CEP68: variants seen among roughly 807,000 people sequenced by gnomAD.
CEP68 encodes centrosomal protein of 68 kDa.
A neutral mutation model predicts 55.3 loss-of-function variants in CEP68; 26 were observed. The ratio of observed to expected loss-of-function variants is 0.47; its 90% CI spans 0.34 to 0.65. The LOEUF is 0.65. CEP68 is among the 30% of genes least tolerant of loss of function. The probability of loss-of-function intolerance (pLI) is 0.01; values close to 1 mark genes in which losing one functional copy is unlikely to be tolerated. For synonymous variants in CEP68, 402 were observed against 383.2 expected (o/e 1.05, Z -0.57); for missense variants, 957 against 946.7 (o/e 1.01, Z -0.14).
At position 65,084,139 on chromosome 2, in the gene CEP68, G is replaced by A. The variant is rs750204011; in HGVS notation, c.*505G>A. 7 of 152,194 alleles carry A rather than the reference G, an allele frequency of 4.6e-5. No individual in the cohort carries two copies. Among genetic ancestry groups the A allele is most frequent in the Admixed American group, 1.3e-4 (2 of 15,282 alleles). The allele number at this position is 152,194 out of a possible 1,614,324, so 9.4% of individuals were successfully genotyped here. A position where few individuals can be genotyped will look rare whatever the true frequency, so the allele number is the denominator to read the frequency against. Reference sequence around the variant, plus strand: ...TTTAAAGATATAGGTAGAAAGAAGAGATTTTTAACCCTTTGTCTGCAAAAG... The same window carrying A: ...TTTAAAGATATAGGTAGAAAGAAGAAATTTTTAACCCTTTGTCTGCAAAAG... On this transcript the variant is annotated 3_prime_UTR_variant, in exon 7 of 7. Transcript: ENST00000377990.
intron 3 of CEP68, chr2:65,073,947 C>T (rs367998091): frequency 4.2e-4 from 98 of 233,136 alleles, no homozygotes; most frequent in African/African-American, 2.1e-3. Flanking sequence ...GAAACATGGA[C>T]GTATCTGGCT....
rs1443698418 is a variant in CEP68, at chr2:65,074,338, TACTG to T, written c.1944_1947del (p.Asp649ThrfsTer26). The T allele has an allele frequency of 1.9e-6, 3 of 1,614,266 alleles. No individual in the cohort carries two copies. Among genetic ancestry groups the T allele is most frequent in the Non-Finnish European group, 2.5e-6 (3 of 1,180,050 alleles). ...GCTGGCTGTATAATGTTGCAGATGTTACTGACCACGGGACTGCAGCCAGGTCCAA... is the reference window on the plus strand; with the variant it reads ...GCTGGCTGTATAATGTTGCAGATGTTACCACGGGACTGCAGCCAGGTCCAA... On this transcript the variant is annotated frameshift_variant, in exon 4 of 7. Coordinates refer to ENST00000377990, the MANE Select transcript of CEP68 (RefSeq NM_015147.3). LOFTEE classifies it high-confidence loss of function.
In CEP68 at chr2:65,060,902, C is replaced by T. The variant is rs957558305; in HGVS notation, c.-47+4374C>T. 2.0e-5 allele frequency among the ~76,000 whole-genome samples: 3 copies of T among 152,206 alleles called. No homozygotes were observed. In the South Asian group the frequency reaches 6.2e-4, roughly 32 times the overall value. Reference sequence around the variant, plus strand: ...CTCTTTAAAGGCTATCTAGGTTGGGCGCAGTGGCTCACGCCTGTAATCCCA... The same window carrying T: ...CTCTTTAAAGGCTATCTAGGTTGGGTGCAGTGGCTCACGCCTGTAATCCCA... On this transcript the variant is annotated intron_variant, in intron 1 of 6. Transcript: ENST00000377990.
chr2:65,065,080 C>T (rs561041678), intron 1 of CEP68, among the ~76,000 whole-genome samples: 1 of 152,332 alleles, frequency 6.6e-6, no homozygotes, highest in South Asian at 2.1e-4. Context: ...TTGTCTCACT[C>T]AGAGGCTTCG....
chr2:65,067,702 G>C (rs1401117053), intron 1 of CEP68, among the ~76,000 whole-genome samples: 1 of 152,178 alleles, frequency 6.6e-6, no homozygotes, highest in Non-Finnish European at 1.5e-5. Flanking sequence ...GCAAAGGAAT[G>C]GGGGACAAGG....
chr2:65,080,766 C>A (rs1676974241), intron 5 of CEP68, among the ~76,000 whole-genome samples: 1 of 151,836 alleles, frequency 6.6e-6, no homozygotes, highest in African/African-American at 2.4e-5. Flanking sequence ...TGCAGTGAGC[C>A]GAGATCACGC....
At chr2:65,062,386 T>C (rs926100569) in intron 1 of CEP68, among the ~76,000 whole-genome samples, 9 of 151,666 alleles carry the variant, frequency 5.9e-5, no homozygotes, top group African/African-American at 2.2e-4. Flanking sequence ...ATAGAAAAAT[T>C]AGCGGGGATG....
chr2:65,080,431 A>T (rs1466806946), intron 5 of CEP68: 1 of 985,294 alleles, frequency 1.0e-6, no homozygotes, highest in Non-Finnish European at 1.2e-6. Context: ...ATGCTGTCAA[A>T]AGTCCATAGA....
intron 4 of CEP68, 84 bp from the exon 5 acceptor site, chr2:65,077,784 C>T: frequency 1.0e-6 from 1 of 989,170 alleles, no homozygotes; most frequent in South Asian, 1.5e-5. Context: ...AATAAGGCTT[C>T]CCTACATGCT....
rs138604989 is a variant in CEP68 at position 65,084,288 on chromosome 2, G to C, written c.*654G>C. On this transcript the variant is annotated 3_prime_UTR_variant, in exon 7 of 7. Transcript: ENST00000377990. ...GTTTCTTAGAAGAAAATGTGTCAGG[G>C]ACTTGGGGATCTACAGTCATGCTTT... 5.3e-5 allele frequency: 8 copies of C among 152,248 alleles called. No individual in the cohort carries two copies. The highest frequency in any genetic ancestry group is 1.4e-4 in the African/African-American group (6 of 41,542). The allele number at this position is 152,248 out of a possible 1,614,324, so 9.4% of individuals were successfully genotyped here. A position where few individuals can be genotyped will look rare whatever the true frequency, so the allele number is the denominator to read the frequency against.
intron 4 of CEP68, chr2:65,075,274 TAAA>T (rs1390775466): frequency 7.3e-6 from 1 of 137,720 alleles, no homozygotes; most frequent in Non-Finnish European, 1.6e-5. Context: ...AAAAAAAACA[TAAA>T]AAATTAGCTG....
At chr2:65,076,291 G>T (rs1439903336) in intron 4 of CEP68, among the ~76,000 whole-genome samples, 1 of 152,174 alleles carries the variant, frequency 6.6e-6, no homozygotes, top group Non-Finnish European at 1.5e-5. Context: ...GTCAGAGCAG[G>T]TGCAAACAGA....
At chr2:65,058,048 T>C (rs1014786556) in intron 1 of CEP68, among the ~76,000 whole-genome samples, 1 of 152,208 alleles carries the variant, frequency 6.6e-6, no homozygotes, top group Non-Finnish European at 1.5e-5. Flanking sequence ...TATTGATGTA[T>C]AGTGCCTAAT....
chr2:65,074,774 C>A (rs543235299), intron 4 of CEP68: 3 of 242,266 alleles, frequency 1.2e-5, no homozygotes, highest in South Asian at 4.6e-5. Context: ...ACCCCCCCCC[C>A]TCAAAAAAAA....
chr2:65,058,110 G>GT (rs764716698), intron 1 of CEP68, among the ~76,000 whole-genome samples: 3 of 152,166 alleles, frequency 2.0e-5, no homozygotes, highest in African/African-American at 4.8e-5. Flanking sequence ...GTTAGCAGTC[G>GT]TTAGGAGAAA....
At chr2:65,074,228 C>A in intron 3 of CEP68, 54 bp from the exon 4 acceptor site, 1 of 1,599,398 alleles carries the variant, frequency 6.3e-7, no homozygotes, top group Non-Finnish European at 8.5e-7. Context: ...CTTTTGATAA[C>A]ATAAATAGCT....
chr2:65,056,513 G>C lies in CEP68; in HGVS notation c.-62G>C, dbSNP rs1558549848. 6.6e-6 allele frequency: 1 copy of C among 152,348 alleles called. No homozygotes were observed. Among genetic ancestry groups the C allele is most frequent in the Non-Finnish European group, 1.5e-5 (1 of 68,166 alleles). The allele number at this position is 152,348 out of a possible 1,614,324, so 9.4% of individuals were successfully genotyped here. On this transcript the variant is annotated 5_prime_UTR_variant, in exon 1 of 7. Coordinates refer to ENST00000377990, the MANE Select transcript of CEP68 (RefSeq NM_015147.3). The stretch of plus-strand genomic sequence containing the variant: ...TGAGACCGCTCCGGACGTGCGAAGC[G>C]TTCGCGGTGCGGTAGGTAGGCAGTG...
At chr2:65,078,544 T>C (rs541644388) in intron 5 of CEP68, among the ~76,000 whole-genome samples, 1 of 152,298 alleles carries the variant, frequency 6.6e-6, no homozygotes, top group South Asian at 2.1e-4. Context: ...CTTTTTGTTT[T>C]GTTTTGCTTT....
chr2:65,056,784 G>C (rs1469348852), intron 1 of CEP68, among the ~76,000 whole-genome samples: 4 of 152,114 alleles, frequency 2.6e-5, no homozygotes, highest in Non-Finnish European at 5.9e-5. Flanking sequence ...CGGCCGAGGG[G>C]TCGGGGCCGA....
Sources: gnomAD v4.1 joint callset for allele counts (sites outside exome capture counted in the v4.1 genomes callset) on GRCh38, gnomAD v4.1.1 for gene constraint, MANE v1.5 for transcripts, NCBI Gene and HGNC (gene_info 2026-07-23, HGNC 2026-07-21) for gene names.